The following UBR4 variants were observed in gnomAD, a reference collection of about 807,000 sequenced individuals.
UBR4 encodes the protein ubiquitin protein ligase E3 component n-recognin 4.
A neutral mutation model predicts 575.6 loss-of-function variants in UBR4; 124 were observed. The ratio of observed to expected loss-of-function variants is 0.22; its 90% CI spans 0.19 to 0.25. The LOEUF (loss-of-function observed/expected upper bound fraction) is 0.25. Ranked by LOEUF, UBR4 falls within the 10% of genes least tolerant of loss-of-function variation. The pLI is 1.00. For missense variants in UBR4, 4,818 were observed against 6,478.8 expected, an observed-to-expected ratio of 0.74 and a Z score of 8.80; for synonymous variants, 2,455 against 2,473.7, an observed-to-expected ratio of 0.99 and a Z score of 0.22.
In UBR4 at chr1:19,074,644, T is replaced by C; in HGVS notation, c.*188A>G. On this transcript the variant is annotated 3_prime_UTR_variant, in exon 106 of 106. Transcript: ENST00000375254. The stretch of plus-strand genomic sequence containing the variant: ...CTTGGGTTACAGACAACCTCATAGC[T>C]GGTGCACCACACACACGAGATAAAA... The C allele has an allele frequency of 3.1e-6, 2 of 653,632 alleles. No homozygotes were observed. Among genetic ancestry groups the C allele is most frequent in the South Asian group, 3.7e-5 (2 of 54,710 alleles). The allele number at this position is 653,632 out of a possible 1,614,324, so 40.5% of individuals were successfully genotyped here.
Position 19,093,978 on chromosome 1 carries a change from C to T in UBR4, c.13908G>A (p.Glu4636=), listed in dbSNP as rs1407426895. ...CAAAGTTGCAGTATGGTTTGAATCG[C>T]TCCACCAAGATCTGCATTTTCTCCA... is the stretch of plus-strand genomic sequence containing the variant. ...GEVEKMQILV[E]RFKPYCNFDK... Residue 4636 remains glutamate, a synonymous_variant, in exon 95 of 106, where the codon GAG becomes GAA. Transcript: ENST00000375254. The surrounding 1 kb of genome is among the most constrained non-coding windows in gnomAD (Gnocchi z 4.8). 1 of 1,613,860 alleles carries T rather than the reference C, an allele frequency of 6.2e-7. No individual in the cohort carries two copies. Among genetic ancestry groups the T allele is most frequent in the East Asian group, 2.2e-5 (1 of 44,892 alleles).
Position 19,185,202 on chromosome 1 carries a change from G to A in UBR4, c.1835C>T (p.Pro612Leu). Residue 612 changes from proline to leucine, a missense_variant, in exon 15 of 106, where the codon CCC (proline) becomes CTC (leucine). Around this residue, in one of 29 missense-constraint regions of UBR4, gnomAD observed 1,172 missense variants for 1,259.7 expected, o/e 0.93. Transcript: ENST00000375254. ...AGAGCTTTCCAGTGGAGGAGGTGGG[G>A]GAGGAGGCGGAGGTGCTGCTTTCTC... Reference protein sequence around the residue: ...SKEKAAPPPPPPPPPLESSPR... With the variant: ...SKEKAAPPPPLPPPPLESSPR... 6.2e-7 allele frequency: 1 copy of A among 1,613,858 alleles called. No homozygotes were observed. Among genetic ancestry groups the A allele is most frequent in the Non-Finnish European group, 8.5e-7 (1 of 1,179,936 alleles).
intron 103 of UBR4, chr1:19,079,549 T>A (rs2076281335): frequency 6.6e-6 from 1 of 152,256 alleles, no homozygotes; most frequent in East Asian, 1.9e-4. Flanking sequence ...ATGTCAAGTG[T>A]GCAGAAGAGG....
chr1:19,160,332 A>C, intron 38 of UBR4, 51 bp from the exon 39 acceptor site: 1 of 1,465,904 alleles, frequency 6.8e-7, no homozygotes, highest in Non-Finnish European at 9.2e-7. Flanking sequence ...AAAGAAAAAC[A>C]ATGGATAATA....
chr1:19,179,355 G>GAATTTGGAATTCAGA (rs1553214817), intron 17 of UBR4, 135 bp from the exon 18 acceptor site: 3 of 977,350 alleles, frequency 3.1e-6, no homozygotes, highest in Non-Finnish European at 4.1e-6. Context: ...CAGAAATTCA[G>GAATTTGGAATTCAGA]ATTTTGGAAT....
chr1:19,113,685 TC>T lies in UBR4; in HGVS notation c.11457+13del, dbSNP rs1473366675. 6.2e-7 allele frequency: 1 copy of T among 1,613,774 alleles called. No homozygotes were observed. Among genetic ancestry groups the T allele is most frequent in the Non-Finnish European group, 8.5e-7 (1 of 1,179,968 alleles). ...TGGACAAAACACACCCAAAAGCTGC[TC>T]CCCGCTCTCTACCTGGATGATTTTG... On this transcript the variant is annotated intron_variant, in intron 77 of 105. Transcript: ENST00000375254.
intron 97 of UBR4, among the ~76,000 whole-genome samples, chr1:19,091,045 G>C (rs372959764): frequency 6.6e-6 from 1 of 151,354 alleles, no homozygotes; most frequent in South Asian, 2.1e-4. Context: ...GCAGTGAGCC[G>C]AGACCATGCC....
intron 49 of UBR4, among the ~76,000 whole-genome samples, chr1:19,150,164 A>G (rs1438473511): frequency 6.6e-6 from 1 of 152,178 alleles, no homozygotes; most frequent in Non-Finnish European, 1.5e-5. Context: ...TGGCAATGTT[A>G]TTATCACAGA....
chr1:19,149,778 AG>A (rs1202757756), intron 49 of UBR4: 1 of 1,301,364 alleles, frequency 7.7e-7, no homozygotes, highest in Non-Finnish European at 1.0e-6. Flanking sequence ...CAGCTTGGTT[AG>A]GGACTCAGTT....
At chr1:19,194,008 T>A (rs2092294241) in intron 8 of UBR4, among the ~76,000 whole-genome samples, 1 of 152,100 alleles carries the variant, frequency 6.6e-6, no homozygotes, top group Non-Finnish European at 1.5e-5. Flanking sequence ...AGAGAGACAG[T>A]GGAGATCAGT....
In UBR4 at chr1:19,210,183, C is replaced by G. The variant is rs957848627; in HGVS notation, c.66G>C (p.Gly22=). 4 of 1,502,310 alleles carry G rather than the reference C, an allele frequency of 2.7e-6. No homozygotes were observed. The African/African-American group carries it at 5.9e-5, about 22-fold the overall frequency. 93.1% of individuals were successfully genotyped at this position (1,502,310 alleles called of 1,614,324 possible). A position where few individuals can be genotyped will look rare whatever the true frequency, so the allele number is the denominator to read the frequency against. ...AAPAPGTPAT[G]ADTTPGWEVA... is the part of the protein sequence containing the mutation. Reference sequence around the variant, plus strand: ...CCTCCCAGCCCGGGGTCGTGTCCGCCCCCGTTGCCGGGGTCCCCGGCGCCG... The same window carrying G: ...CCTCCCAGCCCGGGGTCGTGTCCGCGCCCGTTGCCGGGGTCCCCGGCGCCG... Residue 22 remains glycine (G), a synonymous_variant, in exon 1 of 106, where the codon GGG becomes GGC. Transcript: ENST00000375254.
chr1:19,131,931 A>C (rs1208536565), intron 60 of UBR4, among the ~76,000 whole-genome samples: 1 of 152,184 alleles, frequency 6.6e-6, no homozygotes, highest in Non-Finnish European at 1.5e-5. Context: ...ACCATGGTAA[A>C]ATTAAAATAT....
chr1:19,077,950 C>T (rs916468719), intron 104 of UBR4, 26 bp downstream of exon 104: 3 of 1,613,582 alleles, frequency 1.9e-6, no homozygotes, highest in Non-Finnish European at 2.5e-6. Context: ...TGCCAAAACC[C>T]ACTGGGCCTC....
chr1:19,193,845 G>A (rs186461668), intron 8 of UBR4, among the ~76,000 whole-genome samples: 269 of 152,100 alleles, frequency 1.8e-3, no homozygotes, highest in African/African-American at 6.1e-3. Flanking sequence ...TCCATACAAT[G>A]GAATATTAAT....
At chr1:19,176,276 T>C (rs1283600969) in intron 20 of UBR4, among the ~76,000 whole-genome samples, 3 of 151,514 alleles carry the variant, frequency 2.0e-5, no homozygotes, top group Admixed American at 6.6e-5. Flanking sequence ...ATTTTTTCAG[T>C]AGAGATGGGG....
intron 1 of UBR4, among the ~76,000 whole-genome samples, chr1:19,204,730 T>C (rs913697429): frequency 6.6e-6 from 1 of 152,124 alleles, no homozygotes; most frequent in African/African-American, 2.4e-5. Flanking sequence ...CTACTTATAA[T>C]GTGCACTGGG....
intron 103 of UBR4, 76 bp from the exon 104 acceptor site, chr1:19,078,142 G>T: frequency 6.8e-7 from 1 of 1,472,778 alleles, no homozygotes; most frequent in Non-Finnish European, 9.4e-7. Context: ...GGCATGCTGG[G>T]AGCAAGGGAA....
At chr1:19,192,642 C>T in intron 9 of UBR4, 102 bp from the exon 10 acceptor site, 1 of 1,220,712 alleles carries the variant, frequency 8.2e-7, no homozygotes, top group Non-Finnish European at 1.2e-6. Flanking sequence ...GTTCAATATC[C>T]TCTTTTCAAT....
In UBR4 at chr1:19,115,198, T is replaced by C. The variant is rs12143562; in HGVS notation, c.11063+200A>G. On this transcript the variant is annotated intron_variant, in intron 74 of 105. Transcript: ENST00000375254. Reference sequence around the variant, plus strand: ...CAGGACAGACACACTCGTGTGCACATGCACACACACACACACACACACACT... The same window carrying C: ...CAGGACAGACACACTCGTGTGCACACGCACACACACACACACACACACACT... 1.3e-3 allele frequency among the ~76,000 whole-genome samples: 55 copies of C among 42,016 alleles called. No homozygotes were observed. In the East Asian group the frequency reaches 0.073, roughly 55 times the overall value. 27.6% of individuals were successfully genotyped at this position (42,016 alleles called of 152,430 possible). A position where few individuals can be genotyped will look rare whatever the true frequency, so the allele number is the denominator to read the frequency against.
Sources: allele counts gnomAD v4.1 joint callset (sites outside exome capture counted in the v4.1 genomes callset), GRCh38; gene constraint gnomAD v4.1.1; regional missense constraint gnomAD v4.1.1; non-coding constraint Gnocchi (gnomAD v3.1); transcripts MANE v1.5; gene names NCBI Gene and HGNC (gene_info 2026-07-23, HGNC 2026-07-21).